The following WDR88 variants were observed in gnomAD, a reference collection of about 807,000 sequenced individuals.
The protein encoded by WDR88 is WD repeat-containing protein 88.
Under a neutral mutation model 46.8 loss-of-function variants are expected in WDR88, and 40 were observed. The observed-to-expected ratio is 0.86, with a 90% CI of 0.66 to 1.11. WDR88 has a LOEUF of 1.11. WDR88 is among the 50% of genes most tolerant of loss of function. The pLI is 0.00. For missense variants in WDR88, 562 were observed against 602.4 expected, an observed-to-expected ratio of 0.93 and a Z score of 0.70; for synonymous variants, 235 against 240.7, an observed-to-expected ratio of 0.98 and a Z score of 0.22.
At chr19:33,133,516 T>A (rs1217579360) in intron 1 of WDR88, among the ~76,000 whole-genome samples, 1 of 152,112 alleles carries the variant, frequency 6.6e-6, no homozygotes, top group African/African-American at 2.4e-5. Flanking sequence ...TCACTCCATC[T>A]CAAAAACAAA....
At chr19:33,170,713 T>C (rs1187542999) in intron 9 of WDR88, among the ~76,000 whole-genome samples, 2 of 151,944 alleles carry the variant, frequency 1.3e-5, no homozygotes, top group Non-Finnish European at 2.9e-5. Context: ...ATACAAAATA[T>C]TAGTGGGGTA....
chr19:33,172,116 C>A (rs1280175159), intron 9 of WDR88, among the ~76,000 whole-genome samples: 3 of 152,176 alleles, frequency 2.0e-5, no homozygotes, highest in Non-Finnish European at 4.4e-5. Flanking sequence ...TAATCCTGGG[C>A]AATGACTCAT....
intron 9 of WDR88, among the ~76,000 whole-genome samples, chr19:33,166,228 T>C (rs1025284661): frequency 3.7e-5 from 5 of 136,374 alleles, no homozygotes; most frequent in African/African-American, 1.4e-4. Flanking sequence ...CAGTGAGTCA[T>C]GATGGCATCA....
intron 9 of WDR88, among the ~76,000 whole-genome samples, chr19:33,170,241 G>A (rs1289500324): frequency 6.6e-6 from 1 of 151,438 alleles, no homozygotes; most frequent in Non-Finnish European, 1.5e-5. Flanking sequence ...GCAGTGGCAT[G>A]ATCTCAGCTC....
chr19:33,136,950 A>G (rs1390541430), intron 1 of WDR88, among the ~76,000 whole-genome samples: 1 of 142,916 alleles, frequency 7.0e-6, no homozygotes, highest in Admixed American at 7.0e-5. Flanking sequence ...TATTATTTAA[A>G]GGCAGGGTCT....
intron 7 of WDR88, among the ~76,000 whole-genome samples, chr19:33,157,406 G>A (rs556832997): frequency 6.6e-6 from 1 of 150,448 alleles, no homozygotes; most frequent in East Asian, 2.0e-4. Context: ...CCTCAGGCAG[G>A]AGAATCGCTT....
rs775106979 is a variant in WDR88, at chr19:33,172,450, G to A, written c.1242+10G>A. 1.2e-6 allele frequency: 2 copies of A among 1,607,322 alleles called. No homozygotes were observed. The highest frequency in any genetic ancestry group is 2.7e-5 in the African/African-American group (2 of 74,730). ...CTTAAAGTTGAAACAGGTTGGTATT[G>A]GGTAAAATTAAGCCCAGTGAAGGCT... On this transcript the variant is annotated intron_variant, in intron 10 of 10. Coordinates refer to ENST00000355868, the MANE Select transcript of WDR88 (RefSeq NM_173479.4).
chr19:33,169,595 A>T (rs1306231685), intron 9 of WDR88, among the ~76,000 whole-genome samples: 1 of 150,522 alleles, frequency 6.6e-6, no homozygotes, highest in Admixed American at 6.7e-5. Flanking sequence ...AAAATAATGA[A>T]TGTTGGCAAA....
At position 33,175,729 on chromosome 19, in the gene WDR88, T is replaced by C. The variant is rs1404960737; in HGVS notation, c.*157T>C. 3 of 723,638 alleles carry C rather than the reference T, an allele frequency of 4.1e-6. No individual in the cohort carries two copies. The Admixed American group carries it at 8.7e-5, about 21-fold the overall frequency. The allele number at this position is 723,638 out of a possible 1,614,324, so 44.8% of individuals were successfully genotyped here. A position where few individuals can be genotyped will look rare whatever the true frequency, so the allele number is the denominator to read the frequency against. ...TGGCTGGACTCAGCACAGTGCCACC[T>C]CCTCAGCTCTCAGCTTGGGGAGTGA... On this transcript the variant is annotated 3_prime_UTR_variant, in exon 11 of 11. Transcript: ENST00000355868.
At chr19:33,137,468 G>A (rs1053531816) in intron 1 of WDR88, among the ~76,000 whole-genome samples, 14 of 152,104 alleles carry the variant, frequency 9.2e-5, no homozygotes, top group African/African-American at 3.4e-4. Flanking sequence ...GGCCAGGCTG[G>A]TCTTGAACTC....
intron 3 of WDR88, 81 bp downstream of exon 3, chr19:33,145,013 T>G: frequency 7.2e-7 from 1 of 1,390,812 alleles, no homozygotes; most frequent in Non-Finnish European, 1.0e-6. Flanking sequence ...GACATTTTTG[T>G]TTTTGTTTTA....
rs745987290 is a variant in WDR88, at chr19:33,141,227, G to GTTT, written c.387+3451_387+3453dup. On this transcript the variant is annotated intron_variant, in intron 2 of 10. Transcript: ENST00000355868. Reference sequence around the variant, plus strand: ...GCTGGGATTACAGGTGTGGGAGCATGTTTTTTTTTTTTTCTTTTTTGACAC... The same window carrying GTTT: ...GCTGGGATTACAGGTGTGGGAGCATGTTTTTTTTTTTTTTTTCTTTTTTGACAC... 5.1e-4 allele frequency among the ~76,000 whole-genome samples: 58 copies of GTTT among 113,374 alleles called. 5 individuals are homozygous for GTTT. The highest frequency in any genetic ancestry group is 1.1e-3 in the African/African-American group (28 of 24,456). The allele number at this position is 113,374 out of a possible 152,430, so 74.4% of individuals were successfully genotyped here.
intron 2 of WDR88, among the ~76,000 whole-genome samples, chr19:33,144,071 C>A (rs1973458508): frequency 6.6e-6 from 1 of 152,170 alleles, no homozygotes. Context: ...CTGCTCTTGG[C>A]CACTTGGTGT....
At chr19:33,137,327 C>T (rs1973290139) in intron 1 of WDR88, among the ~76,000 whole-genome samples, 1 of 151,148 alleles carries the variant, frequency 6.6e-6, no homozygotes, top group African/African-American at 2.4e-5. Context: ...AATCTTGGCT[C>T]ACTGCAACCT....
At chr19:33,157,525 GTATA>G (rs74174647) in intron 7 of WDR88, among the ~76,000 whole-genome samples, 100 of 129,132 alleles carry the variant, frequency 7.7e-4, no homozygotes, top group African/African-American at 2.4e-3. Context: ...ATATATATGT[GTATA>G]TATATATATA....
chr19:33,172,909 G>C (rs1974061829), intron 10 of WDR88, among the ~76,000 whole-genome samples: 1 of 151,852 alleles, frequency 6.6e-6, no homozygotes, highest in African/African-American at 2.4e-5. Context: ...GGCCAACATG[G>C]TTAAGTCCTG....
chr19:33,172,407 G>A lies in WDR88; in HGVS notation c.1209G>A (p.Lys403=). Residue 403 remains lysine, a synonymous_variant, in exon 10 of 11, where the codon AAG becomes AAA. Coordinates refer to ENST00000355868, the MANE Select transcript of WDR88 (RefSeq NM_173479.4). ...EEIDEIPLVI[K]YKKAVGLKLK... is the part of the protein sequence containing the mutation. The stretch of plus-strand genomic sequence containing the variant: ...TTGATGAAATTCCTTTGGTAATCAA[G>A]TACAAAAAGGCCGTGGGCTTAAAGT... The A allele has an allele frequency of 6.2e-7, 1 of 1,614,034 alleles. No homozygotes were observed. The highest frequency in any genetic ancestry group is 1.3e-5 in the African/African-American group (1 of 75,024).
intron 9 of WDR88, among the ~76,000 whole-genome samples, chr19:33,171,506 A>G (rs942086275): frequency 1.3e-5 from 2 of 152,114 alleles, no homozygotes; most frequent in Non-Finnish European, 2.9e-5. Context: ...AACATACTCA[A>G]TGTATCCATT....
chr19:33,150,413 C>T lies in WDR88; in HGVS notation c.680-768C>T, dbSNP rs557569310. Among the ~76,000 whole-genome samples, 8 of 152,328 alleles carry T rather than the reference C, an allele frequency of 5.3e-5. No homozygotes were observed. The South Asian group carries it at 6.2e-4, about 12-fold the overall frequency. ...GCAGTGAGCCGAAATCGCGCCTCTG[C>T]GCTCCAGCCCAGGTGACAGAATGAG... On this transcript the variant is annotated intron_variant, in intron 5 of 10. Coordinates refer to ENST00000355868, the MANE Select transcript of WDR88 (RefSeq NM_173479.4).
Sources: allele counts gnomAD v4.1 joint callset (sites outside exome capture counted in the v4.1 genomes callset), GRCh38; gene constraint gnomAD v4.1.1; transcripts MANE v1.5; gene names NCBI Gene and HGNC (gene_info 2026-07-23, HGNC 2026-07-21).